The following CACNG3 variants were observed in gnomAD, a reference collection of about 807,000 sequenced individuals.
The protein encoded by CACNG3 is voltage-dependent calcium channel gamma-3 subunit.
A neutral mutation model predicts 28.5 loss-of-function variants in CACNG3; 3 were observed. The observed-to-expected ratio is 0.11, with a 90% CI of 0.05 to 0.27. The LOEUF (loss-of-function observed/expected upper bound fraction) is 0.27. Among genes scored for constraint, CACNG3 ranks in the 10% least tolerant of loss-of-function variants. The pLI, the probability that CACNG3 is intolerant of heterozygous loss-of-function variation, is 1.00. For synonymous variants in CACNG3, 174 were observed against 162.2 expected, an observed-to-expected ratio of 1.07 and a Z score of -0.55; for missense variants, 236 against 414.4, an observed-to-expected ratio of 0.57 and a Z score of 3.74.
At chr16:24,343,517 G>T (rs1028285850) in intron 1 of CACNG3, among the ~76,000 whole-genome samples, 2 of 152,140 alleles carry the variant, frequency 1.3e-5, no homozygotes, top group Non-Finnish European at 2.9e-5. Context: ...GTGCCCCTGG[G>T]ACATGCCATG....
intron 2 of CACNG3, among the ~76,000 whole-genome samples, chr16:24,351,242 G>A (rs184390825): frequency 1.2e-4 from 18 of 152,232 alleles, no homozygotes; most frequent in Admixed American, 3.9e-4. Flanking sequence ...AGTTTCTAAA[G>A]CTTCAGTTCA....
intron 1 of CACNG3, among the ~76,000 whole-genome samples, chr16:24,287,494 G>T (rs116093155): frequency 0.015 from 2,130 of 145,476 alleles, 63 homozygotes; most frequent in African/African-American, 0.051. Context: ...CTCCAGCTGG[G>T]GCAACAAAGC....
intron 1 of CACNG3, among the ~76,000 whole-genome samples, chr16:24,329,230 A>G (rs1166011543): frequency 6.6e-6 from 1 of 152,172 alleles, no homozygotes; most frequent in Non-Finnish European, 1.5e-5. Context: ...GGTGCAGTTA[A>G]TGGTTGCCGT....
chr16:24,275,884 C>A (rs908553946), intron 1 of CACNG3, among the ~76,000 whole-genome samples: 3 of 152,142 alleles, frequency 2.0e-5, no homozygotes, highest in Non-Finnish European at 2.9e-5. Context: ...GGCTAAAAGA[C>A]CCATTCAACG....
intron 1 of CACNG3, among the ~76,000 whole-genome samples, chr16:24,276,545 AGT>A (rs1898755651): frequency 6.6e-6 from 1 of 152,226 alleles, no homozygotes; most frequent in African/African-American, 2.4e-5. Context: ...ATTTCCTTCT[AGT>A]TCTGTCTTTT....
intron 1 of CACNG3, among the ~76,000 whole-genome samples, chr16:24,312,100 G>C (rs1899272018): frequency 6.6e-6 from 1 of 152,188 alleles, no homozygotes; most frequent in Non-Finnish European, 1.5e-5. Flanking sequence ...TGTGGCTGAG[G>C]CTGAGCAGCA....
chr16:24,257,936 A>C (rs1898490363), intron 1 of CACNG3, among the ~76,000 whole-genome samples: 1 of 152,178 alleles, frequency 6.6e-6, no homozygotes, highest in African/African-American at 2.4e-5. Context: ...ACTGGGAGTA[A>C]ATAGAAAGAT....
chr16:24,345,487 T>C (rs1055654575), intron 1 of CACNG3, among the ~76,000 whole-genome samples: 3 of 151,992 alleles, frequency 2.0e-5, no homozygotes, highest in Admixed American at 2.0e-4. Flanking sequence ...GATCACCTGA[T>C]GTCAGGAGTT....
intron 2 of CACNG3, 46 bp from the exon 3 acceptor site, chr16:24,354,787 G>T (rs1330307231): frequency 5.6e-6 from 9 of 1,597,404 alleles, no homozygotes; most frequent in Non-Finnish European, 7.7e-6. Context: ...GAGGACCCCA[G>T]GGGCTGGCTG....
chr16:24,280,756 T>C (rs1435942881), intron 1 of CACNG3, among the ~76,000 whole-genome samples: 7 of 137,100 alleles, frequency 5.1e-5, no homozygotes, highest in Non-Finnish European at 6.0e-5. Context: ...GCAGAGGTTG[T>C]AGTGAGCCGA....
rs1462094142 is a variant in CACNG3, at chr16:24,361,826, A to G, written c.911A>G (p.His304Arg). The G allele has an allele frequency of 2.5e-6, 4 of 1,612,772 alleles. No homozygotes were observed. The highest frequency in any genetic ancestry group is 3.4e-6 in the Non-Finnish European group (4 of 1,179,908). ...STPKEFKESL[H>R]NNPANRRTTP... is the part of the protein sequence containing the mutation. ...CCCAAAGAGTTCAAAGAGTCACTGC[A>G]TAATAATCCGGCCAACAGGCGCACC... is the stretch of plus-strand genomic sequence containing the variant. Residue 304 changes from histidine (H) to arginine (R), a missense_variant, in exon 4 of 4, where the codon CAT (histidine) becomes CGT (arginine). Transcript: ENST00000005284. The surrounding 1 kb of genome is among the most constrained non-coding windows in gnomAD (Gnocchi z 6.8).
chr16:24,280,489 A>G (rs1041509762), intron 1 of CACNG3, among the ~76,000 whole-genome samples: 3 of 152,134 alleles, frequency 2.0e-5, no homozygotes, highest in African/African-American at 7.2e-5. Flanking sequence ...TGGGGATGAA[A>G]AATGTACTAG....
At chr16:24,351,827 C>A (rs941589690) in intron 2 of CACNG3, among the ~76,000 whole-genome samples, 1 of 127,178 alleles carries the variant, frequency 7.9e-6, no homozygotes. Context: ...TTCTCTCTCT[C>A]TCTCTTTTTT....
At chr16:24,342,825 T>G (rs1899809798) in intron 1 of CACNG3, among the ~76,000 whole-genome samples, 3 of 152,184 alleles carry the variant, frequency 2.0e-5, no homozygotes, top group South Asian at 4.1e-4. Context: ...TATCTAAATA[T>G]GCAAAAACCA....
At chr16:24,260,305 TACCTAGGAAAAAATAAGCTA>T (rs962584118) in intron 1 of CACNG3, among the ~76,000 whole-genome samples, 1 of 152,166 alleles carries the variant, frequency 6.6e-6, no homozygotes. Flanking sequence ...CCTTAAAAAA[TACCTAGGAAAAAATAAGCTA>T]ACCTACCAGA....
At chr16:24,292,270 G>A (rs1187873275) in intron 1 of CACNG3, among the ~76,000 whole-genome samples, 1 of 152,164 alleles carries the variant, frequency 6.6e-6, no homozygotes, top group East Asian at 1.9e-4. Context: ...GAGTCAGCAG[G>A]AATCCCTGTG....
chr16:24,276,486 T>G (rs1215051587), intron 1 of CACNG3, among the ~76,000 whole-genome samples: 1 of 152,232 alleles, frequency 6.6e-6, no homozygotes, highest in Non-Finnish European at 1.5e-5. Context: ...TAACTTCATA[T>G]AGTTGAGGAG....
intron 1 of CACNG3, among the ~76,000 whole-genome samples, chr16:24,317,592 A>AAG (rs1488106789): frequency 1.4e-5 from 1 of 69,592 alleles, no homozygotes; most frequent in African/African-American, 6.6e-5. Flanking sequence ...GAAAGAAAGA[A>AAG]AGAAAGAAAG....
chr16:24,312,472 A>C (rs1305147697), intron 1 of CACNG3, among the ~76,000 whole-genome samples: 1 of 152,088 alleles, frequency 6.6e-6, no homozygotes, highest in Non-Finnish European at 1.5e-5. Context: ...GTAAAAAAAA[A>C]TGGGTGATAA....
Sources: allele counts gnomAD v4.1 joint callset (sites outside exome capture counted in the v4.1 genomes callset), GRCh38; gene constraint gnomAD v4.1.1; non-coding constraint Gnocchi (gnomAD v3.1); transcripts MANE v1.5; gene names NCBI Gene and HGNC (gene_info 2026-07-23, HGNC 2026-07-21).